The following MELK variants were observed in gnomAD, a reference collection of about 807,000 sequenced individuals.
The protein encoded by MELK is pEg3 kinase.
A neutral mutation model predicts 85.0 loss-of-function variants in MELK; 81 were observed. The ratio of observed to expected loss-of-function variants is 0.95; its 90% confidence interval spans 0.80 to 1.15. The LOEUF (loss-of-function observed/expected upper bound fraction) is 1.15, where lower values mean the gene tolerates loss of function less well. Among genes scored for constraint, MELK ranks in the 50% most tolerant of loss-of-function variants. The probability of loss-of-function intolerance (pLI) is 0.00; values close to 1 mark genes in which losing one functional copy is unlikely to be tolerated. For synonymous variants in MELK, 252 were observed against 265.0 expected, an observed-to-expected ratio of 0.95 and a Z score of 0.48; for missense variants, 754 against 777.5, an observed-to-expected ratio of 0.97 and a Z score of 0.36.
chr9:36,605,953 T>TAAAA (rs554431255), intron 7 of MELK, among the ~76,000 whole-genome samples: 1 of 128,414 alleles, frequency 7.8e-6, no homozygotes, highest in Non-Finnish European at 1.7e-5. Flanking sequence ...ACCCTGTCTC[T>TAAAA]AAAAAAAAAA....
chr9:36,667,471 T>TA (rs1338033244), intron 14 of MELK, among the ~76,000 whole-genome samples: 2 of 152,170 alleles, frequency 1.3e-5, no homozygotes, highest in Non-Finnish European at 2.9e-5. Flanking sequence ...CTTTTTTATT[T>TA]AAAAAAAATT....
At chr9:36,643,416 A>G (rs1309992109) in intron 11 of MELK, among the ~76,000 whole-genome samples, 1 of 151,936 alleles carries the variant, frequency 6.6e-6, no homozygotes, top group South Asian at 2.1e-4. Flanking sequence ...TACAGCACCA[A>G]TTTGAGAGTA....
At chr9:36,639,932 C>T (rs182635652) in intron 10 of MELK, among the ~76,000 whole-genome samples, 4 of 152,226 alleles carry the variant, frequency 2.6e-5, no homozygotes, top group African/African-American at 7.2e-5. Flanking sequence ...GTGTTGACAT[C>T]AACAAGAGGA....
In MELK at chr9:36,677,538, G is replaced by T; in HGVS notation, c.*201G>T. On this transcript the variant is annotated 3_prime_UTR_variant, in exon 18 of 18. Coordinates refer to ENST00000298048, the MANE Select transcript of MELK (RefSeq NM_014791.4). ...CTAAATCAAGCCCATCTGTCATTATGTTACTGTCTTTTTTAATCATGTGGT... is the reference window on the plus strand; with the variant it reads ...CTAAATCAAGCCCATCTGTCATTATTTTACTGTCTTTTTTAATCATGTGGT... 3 of 425,838 alleles carry T rather than the reference G, an allele frequency of 7.0e-6. No individual in the cohort carries two copies. Among genetic ancestry groups the T allele is most frequent in the Non-Finnish European group, 1.2e-5 (3 of 247,826 alleles). The allele number at this position is 425,838 out of a possible 1,614,324, so 26.4% of individuals were successfully genotyped here. A position where few individuals can be genotyped will look rare whatever the true frequency, so the allele number is the denominator to read the frequency against.
intron 7 of MELK, among the ~76,000 whole-genome samples, chr9:36,602,806 G>C (rs148644852): frequency 7.2e-5 from 11 of 152,216 alleles, no homozygotes; most frequent in African/African-American, 2.6e-4. Context: ...TGATCCGTCT[G>C]CCTTGGCCTA....
chr9:36,586,137 T>C (rs1822874863), intron 3 of MELK, among the ~76,000 whole-genome samples: 1 of 152,008 alleles, frequency 6.6e-6, no homozygotes, highest in Non-Finnish European at 1.5e-5. Flanking sequence ...GCTCAGGAGT[T>C]TGAGACCAGC....
chr9:36,602,487 CAAAAAAAAAAA>C (rs765623860), intron 7 of MELK, among the ~76,000 whole-genome samples: 13 of 41,372 alleles, frequency 3.1e-4, no homozygotes, highest in African/African-American at 1.0e-3. Flanking sequence ...AAGACTGTCT[CAAAAAAAAAAA>C]AAAAAAAAAA....
At chr9:36,593,537 A>G (rs1823860765) in intron 4 of MELK, among the ~76,000 whole-genome samples, 1 of 152,158 alleles carries the variant, frequency 6.6e-6, no homozygotes, top group South Asian at 2.1e-4. Context: ...TGAGCAATAC[A>G]TTTCTGTTGT....
chr9:36,580,663 G>A (rs190661193), intron 1 of MELK, among the ~76,000 whole-genome samples: 2 of 150,746 alleles, frequency 1.3e-5, no homozygotes, highest in East Asian at 2.0e-4. Context: ...GTAGCCTCCC[G>A]AGCCAGAGTA....
chr9:36,589,394 C>A lies in MELK; in HGVS notation c.145-142C>A, dbSNP rs189758157. 17 of 610,702 alleles carry A rather than the reference C, an allele frequency of 2.8e-5. No individual in the cohort carries two copies. In the East Asian group the frequency reaches 2.8e-4, roughly 10 times the overall value. The allele number at this position is 610,702 out of a possible 1,614,324, so 37.8% of individuals were successfully genotyped here. ...CGATTTCCTGACCTCATGATCCGCC[C>A]GCCTCGGCCTCCCAAAGTGCGGGAT... On this transcript the variant is annotated intron_variant, in intron 3 of 17. Coordinates refer to ENST00000298048, the MANE Select transcript of MELK (RefSeq NM_014791.4).
intron 6 of MELK, among the ~76,000 whole-genome samples, chr9:36,598,324 C>T (rs1056912379): frequency 7.9e-5 from 12 of 152,078 alleles, no homozygotes; most frequent in African/African-American, 2.4e-4. Flanking sequence ...TTATGGCTGC[C>T]ACGGATTACA....
chr9:36,652,193 T>C lies in MELK; in HGVS notation c.1053+316T>C, dbSNP rs922263162. Among the ~76,000 whole-genome samples the C allele has an allele frequency of 1.1e-4, 17 of 151,362 alleles. 1 individual carries two copies. On this transcript the variant is annotated intron_variant, in intron 12 of 17. Coordinates refer to ENST00000298048, the MANE Select transcript of MELK (RefSeq NM_014791.4). ...TCCCGAGTAGCTGGAATTGCAGGTG[T>C]GCATCACCACGCCTGGCCAATTTTT...
At chr9:36,604,268 CTTTTTTTTTTTTTTTTTTT>C in intron 7 of MELK, among the ~76,000 whole-genome samples, 1 of 33,780 alleles carries the variant, frequency 3.0e-5, no homozygotes, top group East Asian at 1.0e-3. Flanking sequence ...CGCGCCCGGG[CTTTTTTTTTTTTTTTTTTT>C]TTTTTTTTGA....
intron 8 of MELK, among the ~76,000 whole-genome samples, chr9:36,613,083 C>A (rs2135976558): frequency 6.6e-6 from 1 of 152,298 alleles, no homozygotes; most frequent in South Asian, 2.1e-4. Flanking sequence ...GGTCTACTCC[C>A]TGCCTCACTT....
intron 8 of MELK, among the ~76,000 whole-genome samples, chr9:36,614,448 TA>T (rs1281472993): frequency 1.9e-4 from 27 of 143,630 alleles, no homozygotes; most frequent in African/African-American, 2.1e-4. Flanking sequence ...TTTTTTAATT[TA>T]TTTTTTTATT....
intron 4 of MELK, among the ~76,000 whole-genome samples, chr9:36,593,710 G>A (rs1823884739): frequency 6.6e-6 from 1 of 151,862 alleles, no homozygotes; most frequent in African/African-American, 2.4e-5. Context: ...TTTGTTTTTT[G>A]AGACGAAGTC....
At chr9:36,616,085 G>A (rs912266489) in intron 8 of MELK, among the ~76,000 whole-genome samples, 4 of 152,050 alleles carry the variant, frequency 2.6e-5, no homozygotes, top group Non-Finnish European at 4.4e-5. Context: ...CCGGCGCGGT[G>A]GCAAAGAAAA....
intron 13 of MELK, among the ~76,000 whole-genome samples, chr9:36,661,255 A>G (rs549568437): frequency 1.3e-5 from 2 of 152,314 alleles, no homozygotes; most frequent in East Asian, 3.9e-4. Context: ...CACTGTTTCT[A>G]CTTAGCTGTT....
At chr9:36,617,377 G>A (rs1217705878) in intron 8 of MELK, among the ~76,000 whole-genome samples, 1 of 151,504 alleles carries the variant, frequency 6.6e-6, no homozygotes, top group Admixed American at 6.6e-5. Flanking sequence ...CTGTCACCCA[G>A]GCTGGAGTGC....
Sources: gnomAD v4.1 joint callset for allele counts (sites outside exome capture counted in the v4.1 genomes callset) on GRCh38, gnomAD v4.1.1 for gene constraint, MANE v1.5 for transcripts, NCBI Gene and HGNC (gene_info 2026-07-23, HGNC 2026-07-21) for gene names.